The following ERGIC1 variants were observed in gnomAD, a reference collection of about 807,000 sequenced individuals.
ERGIC1 encodes endoplasmic reticulum-Golgi intermediate compartment protein 1.
ERGIC1 carries 19 observed loss-of-function variants against 38.3 expected under a neutral mutation model. The observed-to-expected ratio is 0.50, with a 90% CI of 0.35 to 0.73. The LOEUF is 0.73. Among genes scored for constraint, ERGIC1 ranks in the 30% least tolerant of loss-of-function variants. The probability of loss-of-function intolerance (pLI) is 0.01; values close to 1 mark genes in which losing one functional copy is unlikely to be tolerated. For synonymous variants in ERGIC1, 124 were observed against 157.6 expected (o/e 0.79, Z 1.60); for missense variants, 294 against 389.2 (o/e 0.76, Z 2.06).
intron 1 of ERGIC1, among the ~76,000 whole-genome samples, chr5:172,869,861 C>T (rs1007739785): frequency 2.6e-5 from 4 of 152,130 alleles, no homozygotes; most frequent in African/African-American, 9.7e-5. Flanking sequence ...CTCATCAAAC[C>T]CAGAAAGTGT....
At chr5:172,893,905 A>ATATATATATATATGTGTGTGTGTG (rs1173039695) in intron 2 of ERGIC1, among the ~76,000 whole-genome samples, 5 of 15,540 alleles carry the variant, frequency 3.2e-4, no homozygotes, top group Non-Finnish European at 8.5e-4. Context: ...ATATATATAT[A>ATATATATATATATGTGTGTGTGTG]TGTGTGTGTG....
intron 3 of ERGIC1, among the ~76,000 whole-genome samples, chr5:172,901,120 C>G (rs990932357): frequency 1.3e-5 from 2 of 152,204 alleles, no homozygotes; most frequent in Non-Finnish European, 2.9e-5. Context: ...TCAGTGCCCC[C>G]TCCCGCCACC....
At chr5:172,902,385 A>G (rs1046097360) in intron 3 of ERGIC1, among the ~76,000 whole-genome samples, 1 of 151,956 alleles carries the variant, frequency 6.6e-6, no homozygotes, top group Non-Finnish European at 1.5e-5. Flanking sequence ...CAGGCTGGGT[A>G]GAGGGCCCCA....
chr5:172,930,510 T>C (rs1406987947), intron 7 of ERGIC1, among the ~76,000 whole-genome samples: 1 of 152,076 alleles, frequency 6.6e-6, no homozygotes, highest in Non-Finnish European at 1.5e-5. Context: ...GCTTGGCTAA[T>C]TTTTGTATTT....
chr5:172,951,054 A>G lies in ERGIC1; in HGVS notation c.*238A>G. The G allele has an allele frequency of 4.5e-6, 2 of 445,598 alleles. No homozygotes were observed. The highest frequency in any genetic ancestry group is 6.6e-5 in the South Asian group (2 of 30,224). 27.6% of individuals were successfully genotyped at this position (445,598 alleles called of 1,614,324 possible). On this transcript the variant is annotated 3_prime_UTR_variant, in exon 10 of 10. Coordinates refer to ENST00000393784, the MANE Select transcript of ERGIC1 (RefSeq NM_001031711.3). Reference sequence around the variant, plus strand: ...GTTCCCCTTTCCCTGGGGAGCCCCAAGAACAGAGTCAGGCAAGGGGTGGGG... The same window carrying G: ...GTTCCCCTTTCCCTGGGGAGCCCCAGGAACAGAGTCAGGCAAGGGGTGGGG...
intron 1 of ERGIC1, chr5:172,867,236 A>T (rs1425815109): frequency 4.4e-6 from 2 of 453,958 alleles, no homozygotes; most frequent in African/African-American, 2.0e-5. Flanking sequence ...CCCTCCTGGC[A>T]TCACTGACAC....
chr5:172,915,110 G>GCAGCCCC (rs1561733888), intron 5 of ERGIC1: 1 of 698,284 alleles, frequency 1.4e-6, no homozygotes, highest in Admixed American at 2.0e-5. Flanking sequence ...CTGAGGATTT[G>GCAGCCCC]CAGCCCCCAG....
rs937673658 is a variant in ERGIC1 at position 172,922,711 on chromosome 5, C to G, written c.376-1294C>G. Among the ~76,000 whole-genome samples the G allele has an allele frequency of 5.3e-5, 8 of 152,352 alleles. 1 individual carries two copies. The East Asian group carries it at 1.5e-3, about 29-fold the overall frequency. On this transcript the variant is annotated intron_variant, in intron 5 of 9. Transcript: ENST00000393784. ...CAAGCGGTGGGGACACGATGCTTGG[C>G]CAGCGGCCAGATGTGGCCTGTGGGC...
In ERGIC1 at chr5:172,926,784, G is replaced by A. The variant is rs550540067; in HGVS notation, c.541+215G>A. The A allele has an allele frequency of 3.4e-5, 20 of 589,168 alleles. No homozygotes were observed. Among genetic ancestry groups the A allele is most frequent in the African/African-American group, 3.0e-4 (16 of 53,780 alleles). 36.5% of individuals were successfully genotyped at this position (589,168 alleles called of 1,614,324 possible). ...ATGGAGAAGGAAGAAGGCTTGTCCCGGGGCACAGCAGACGCACGCACGCAG... is the reference window on the plus strand; with the variant it reads ...ATGGAGAAGGAAGAAGGCTTGTCCCAGGGCACAGCAGACGCACGCACGCAG... On this transcript the variant is annotated intron_variant, in intron 7 of 9. Coordinates refer to ENST00000393784, the MANE Select transcript of ERGIC1 (RefSeq NM_001031711.3). The surrounding 1 kb of genome is among the most constrained non-coding windows in gnomAD (Gnocchi z 5.2).
chr5:172,942,748 G>T (rs938714667), intron 9 of ERGIC1, among the ~76,000 whole-genome samples: 1 of 152,230 alleles, frequency 6.6e-6, no homozygotes, highest in Non-Finnish European at 1.5e-5. Context: ...CCTGGCGCGT[G>T]CGTTCCCAGA....
chr5:172,843,045 G>C (rs1761196453), intron 1 of ERGIC1, among the ~76,000 whole-genome samples: 1 of 152,206 alleles, frequency 6.6e-6, no homozygotes, highest in African/African-American at 2.4e-5. Flanking sequence ...TTGGGAGGCT[G>C]AGGCAGGAGA....
chr5:172,893,741 C>T (rs373742459), intron 2 of ERGIC1, among the ~76,000 whole-genome samples: 2 of 150,614 alleles, frequency 1.3e-5, no homozygotes, highest in African/African-American at 4.9e-5. Flanking sequence ...ATCTCTCTGC[C>T]GTTCGAAAAT....
intron 1 of ERGIC1, among the ~76,000 whole-genome samples, chr5:172,847,029 G>A (rs1037728857): frequency 6.6e-6 from 1 of 152,182 alleles, no homozygotes; most frequent in African/African-American, 2.4e-5. Flanking sequence ...GTGCTGTAAT[G>A]CAACACACGT....
intron 1 of ERGIC1, chr5:172,867,118 G>A (rs1169395445): frequency 2.2e-6 from 1 of 448,168 alleles, no homozygotes; most frequent in Non-Finnish European, 4.5e-6. Context: ...CAGGCTGTGG[G>A]GGCTCTGCAA....
chr5:172,850,534 G>T (rs890503142), intron 1 of ERGIC1, among the ~76,000 whole-genome samples: 4 of 152,164 alleles, frequency 2.6e-5, no homozygotes, highest in Admixed American at 6.6e-5. Context: ...GAGGCCTAGG[G>T]CTTTGGAGTC....
intron 1 of ERGIC1, among the ~76,000 whole-genome samples, chr5:172,838,795 C>G (rs1761090689): frequency 1.3e-5 from 2 of 152,162 alleles, no homozygotes; most frequent in South Asian, 4.1e-4. Flanking sequence ...GTTCCTACAC[C>G]AAGCTAAGCC....
At chr5:172,924,261 G>C (rs967280771) in intron 6 of ERGIC1, 152 bp downstream of exon 6, 1 of 748,128 alleles carries the variant, frequency 1.3e-6, no homozygotes, top group Non-Finnish European at 2.2e-6. Context: ...GTTTCACCAG[G>C]AACAGAACAG....
chr5:172,918,016 T>C (rs957150897), intron 5 of ERGIC1: 2 of 152,152 alleles, frequency 1.3e-5, no homozygotes, highest in Non-Finnish European at 2.9e-5. Flanking sequence ...AATACAAAAG[T>C]TAACCAAGCC....
At chr5:172,904,386 G>A (rs923121839) in intron 3 of ERGIC1, among the ~76,000 whole-genome samples, 1 of 152,160 alleles carries the variant, frequency 6.6e-6, no homozygotes, top group Non-Finnish European at 1.5e-5. Context: ...TTTTCGAACC[G>A]ATTGAAAGCT....
Sources: allele counts gnomAD v4.1 joint callset (sites outside exome capture counted in the v4.1 genomes callset), GRCh38; gene constraint gnomAD v4.1.1; non-coding constraint Gnocchi (gnomAD v3.1); transcripts MANE v1.5; gene names NCBI Gene and HGNC (gene_info 2026-07-23, HGNC 2026-07-21).